CDC42BPA: variants seen among roughly 807,000 people sequenced by gnomAD.
The protein encoded by CDC42BPA is CDC42 binding protein kinase alpha, also known as serine/threonine-protein kinase MRCK alpha.
CDC42BPA carries 80 observed loss-of-function variants against 223.5 expected under a neutral mutation model. The ratio of observed to expected loss-of-function variants is 0.36; its 90% CI spans 0.30 to 0.43. The LOEUF (loss-of-function observed/expected upper bound fraction) is 0.43. Ranked by LOEUF, CDC42BPA falls within the 20% of genes least tolerant of loss-of-function variation. CDC42BPA has a pLI of 1.00. For missense variants in CDC42BPA, 1,743 were observed against 2,099.9 expected, an observed-to-expected ratio of 0.83 and a Z score of 3.32; for synonymous variants, 694 against 718.6, an observed-to-expected ratio of 0.97 and a Z score of 0.55.
chr1:227,250,149 A>AT (rs1295360317), intron 2 of CDC42BPA, among the ~76,000 whole-genome samples: 9 of 152,206 alleles, frequency 5.9e-5, no homozygotes, highest in African/African-American at 1.9e-4. Context: ...CACGTACTCC[A>AT]TAAATATATA....
At chr1:227,278,245 T>G (rs1175209524) in intron 1 of CDC42BPA, among the ~76,000 whole-genome samples, 1 of 152,238 alleles carries the variant, frequency 6.6e-6, no homozygotes, top group Non-Finnish European at 1.5e-5. Context: ...ACTTTTAAAT[T>G]ATAACTCAAA....
Position 226,994,281 on chromosome 1 carries a change from C to T in CDC42BPA, c.5252G>A (p.Ser1751Asn), listed in dbSNP as rs142402392. The change falls in exon 37 of 37, where the codon AGC becomes AAC. Residue 1751 changes from serine to asparagine, a missense_variant. Transcript: ENST00000366766. This position sits in a 1 kb window ranked among gnomAD's most constrained non-coding sequence, Gnocchi z 4.0. Reference sequence around the variant, plus strand: ...TGCTGAGGCAGCTCACGGGTCCCAGCTCCCGCGGTCAGTGCTCTCCAGGGA... The same window carrying T: ...TGCTGAGGCAGCTCACGGGTCCCAGTTCCCGCGGTCAGTGCTCTCCAGGGA... ...SLSLESTDRGSWDP is the reference protein window; with the variant it reads ...SLSLESTDRGNWDP 63 of 1,583,640 alleles carry T rather than the reference C, an allele frequency of 4.0e-5. No homozygotes were observed. Among genetic ancestry groups the T allele is most frequent in the Middle Eastern group, 1.7e-4 (1 of 6,010 alleles).
intron 26 of CDC42BPA, 60 bp from the exon 27 acceptor site, chr1:227,033,475 G>T (rs1669690972): frequency 1.8e-6 from 2 of 1,134,114 alleles, no homozygotes; most frequent in Non-Finnish European, 1.3e-6. Flanking sequence ...GTGGTTTGGG[G>T]TGTGTATCCA....
At chr1:226,998,102 T>A (rs1051492626) in intron 35 of CDC42BPA, among the ~76,000 whole-genome samples, 3 of 152,130 alleles carry the variant, frequency 2.0e-5, no homozygotes, top group African/African-American at 7.2e-5. Context: ...GTGAAGGACC[T>A]CTTCAAGGAA....
At chr1:227,174,528 G>A (rs1278460111) in intron 5 of CDC42BPA, among the ~76,000 whole-genome samples, 1 of 152,026 alleles carries the variant, frequency 6.6e-6, no homozygotes, top group African/African-American at 2.4e-5. Context: ...GAATTATGTG[G>A]TATTTCCCCC....
At chr1:227,084,476 A>G (rs1238457353) in intron 16 of CDC42BPA, among the ~76,000 whole-genome samples, 1 of 151,418 alleles carries the variant, frequency 6.6e-6, no homozygotes, top group Non-Finnish European at 1.5e-5. Context: ...TGCAACGAGC[A>G]GAGATAGTGC....
intron 1 of CDC42BPA, among the ~76,000 whole-genome samples, chr1:227,272,815 T>C (rs958630782): frequency 6.6e-6 from 1 of 151,770 alleles, no homozygotes; most frequent in Non-Finnish European, 1.5e-5. Context: ...ATTTTTTTAA[T>C]GAAGTATATC....
chr1:227,155,157 T>G lies in CDC42BPA; in HGVS notation c.693+5386A>C, dbSNP rs147126153. 2.6e-5 allele frequency among the ~76,000 whole-genome samples: 4 copies of G among 152,242 alleles called. No homozygotes were observed. In the East Asian group the frequency reaches 7.7e-4, roughly 29 times the overall value. On this transcript the variant is annotated intron_variant, in intron 6 of 36. Transcript: ENST00000366766. Reference sequence around the variant, plus strand: ...CCACACAAAGTCAACAATCATAACATTTCAGGACATTGGGAATAAATAAAA... The same window carrying G: ...CCACACAAAGTCAACAATCATAACAGTTCAGGACATTGGGAATAAATAAAA...
intron 2 of CDC42BPA, among the ~76,000 whole-genome samples, chr1:227,237,608 ATT>A (rs1679287966): frequency 6.6e-6 from 1 of 152,144 alleles, no homozygotes; most frequent in Non-Finnish European, 1.5e-5. Context: ...AATGTCAGAT[ATT>A]TGGGTTGTGT....
intron 21 of CDC42BPA, among the ~76,000 whole-genome samples, chr1:227,067,784 A>G (rs1028467021): frequency 5.9e-5 from 9 of 152,166 alleles, no homozygotes; most frequent in African/African-American, 1.9e-4. Flanking sequence ...TTCTGACTAT[A>G]AGTATCCTAA....
chr1:227,173,961 C>T (rs1666526926), intron 5 of CDC42BPA, among the ~76,000 whole-genome samples: 1 of 152,014 alleles, frequency 6.6e-6, no homozygotes, highest in African/African-American at 2.4e-5. Flanking sequence ...TCTGTAGTTG[C>T]CCCAAATTCC....
At chr1:227,256,938 T>TACACACACAC (rs1442280387) in intron 1 of CDC42BPA, among the ~76,000 whole-genome samples, 3,836 of 119,828 alleles carry the variant, frequency 0.032, 99 homozygotes, top group Middle Eastern at 0.041. Flanking sequence ...AAATGTGATA[T>TACACACACAC]ATATATACAG....
chr1:227,171,494 G>A (rs946593352), intron 5 of CDC42BPA, among the ~76,000 whole-genome samples: 3 of 152,102 alleles, frequency 2.0e-5, no homozygotes, highest in African/African-American at 7.2e-5. Context: ...GCCTGCGCTA[G>A]TGGTCCCAGC....
chr1:227,019,809 A>C (rs1236899720), intron 32 of CDC42BPA, among the ~76,000 whole-genome samples: 1 of 152,172 alleles, frequency 6.6e-6, no homozygotes, highest in Admixed American at 6.5e-5. Context: ...GTGGGCTTAA[A>C]ATTTTCAGTG....
intron 1 of CDC42BPA, among the ~76,000 whole-genome samples, chr1:227,275,600 C>T (rs892703862): frequency 2.6e-5 from 4 of 151,502 alleles, no homozygotes; most frequent in Admixed American, 6.6e-5. Flanking sequence ...TCCCCCTCCC[C>T]CTCTCCCCCT....
chr1:227,296,461 T>C (rs541088126), intron 1 of CDC42BPA, among the ~76,000 whole-genome samples: 24 of 152,138 alleles, frequency 1.6e-4, no homozygotes, highest in African/African-American at 4.6e-4. Context: ...ATCCCAGCAC[T>C]TTGGGAGGCC....
At chr1:227,148,020 A>T (rs1661000991) in intron 6 of CDC42BPA, among the ~76,000 whole-genome samples, 1 of 152,234 alleles carries the variant, frequency 6.6e-6, no homozygotes. Context: ...GAAACCTAAG[A>T]AAATACACGT....
chr1:227,003,810 G>T (rs900374315), intron 35 of CDC42BPA, among the ~76,000 whole-genome samples: 11 of 151,950 alleles, frequency 7.2e-5, no homozygotes, highest in African/African-American at 2.7e-4. Flanking sequence ...CTGCAGTTCC[G>T]AGTACAGTTA....
chr1:227,191,622 T>C (rs1669718486), intron 5 of CDC42BPA, among the ~76,000 whole-genome samples: 1 of 152,162 alleles, frequency 6.6e-6, no homozygotes, highest in South Asian at 2.1e-4. Context: ...GAATTACATA[T>C]AAACTGGGTG....
Sources: gnomAD v4.1 joint callset for allele counts (sites outside exome capture counted in the v4.1 genomes callset) on GRCh38, gnomAD v4.1.1 for gene constraint, Gnocchi (gnomAD v3.1) non-coding constraint, MANE v1.5 for transcripts, NCBI Gene and HGNC (gene_info 2026-07-23, HGNC 2026-07-21) for gene names.